The following PARP4 variants were observed in gnomAD, a reference collection of about 807,000 sequenced individuals.
PARP4 encodes the protein poly(ADP-ribose) polymerase family member 4.
A neutral mutation model predicts 187.7 loss-of-function variants in PARP4; 120 were observed. The observed-to-expected ratio is 0.64, with a 90% CI of 0.55 to 0.74. PARP4 has a LOEUF of 0.74. Among genes scored for constraint, PARP4 ranks in the 30% least tolerant of loss-of-function variants. The pLI, the probability that PARP4 is intolerant of heterozygous loss-of-function variation, is 0.00. For synonymous variants in PARP4, 654 were observed against 740.9 expected, an observed-to-expected ratio of 0.88 and a Z score of 1.90; for missense variants, 1,836 against 2,070.5, an observed-to-expected ratio of 0.89 and a Z score of 2.20.
chr13:24,469,876 T>C lies in PARP4; in HGVS notation c.2046+18A>G. 1 of 1,607,020 alleles carries C rather than the reference T, an allele frequency of 6.2e-7. No individual in the cohort carries two copies. The highest frequency in any genetic ancestry group is 8.5e-7 in the Non-Finnish European group (1 of 1,176,248). On this transcript the variant is annotated intron_variant, in intron 16 of 33. Coordinates refer to ENST00000381989, the MANE Select transcript of PARP4 (RefSeq NM_006437.4). ...CTTTGAAAGCCGAGAGCGGGCACGA[T>C]GCATCTTCTTGCCTTACCTCTCCAA...
At chr13:24,470,116 A>G (rs1428671846) in intron 15 of PARP4, 91 bp from the exon 16 acceptor site, 42 of 1,250,042 alleles carry the variant, frequency 3.4e-5, no homozygotes, top group Non-Finnish European at 4.0e-5. Context: ...TTGCATATTT[A>G]TTTGAATTTC....
chr13:24,470,462 C>G (rs552600073), intron 15 of PARP4, among the ~76,000 whole-genome samples: 1 of 152,210 alleles, frequency 6.6e-6, no homozygotes, highest in African/African-American at 2.4e-5. Flanking sequence ...CTTTCCCCCT[C>G]TCTACACAGC....
At chr13:24,457,738 T>G (rs1871944126) in intron 20 of PARP4, among the ~76,000 whole-genome samples, 1 of 120,540 alleles carries the variant, frequency 8.3e-6, no homozygotes. Flanking sequence ...ACCACTGCAC[T>G]CCAACCTGGG....
chr13:24,435,705 C>T (rs953668952), intron 30 of PARP4, among the ~76,000 whole-genome samples: 1 of 152,060 alleles, frequency 6.6e-6, no homozygotes, highest in African/African-American at 2.4e-5. Context: ...TCGCTCAAGG[C>T]TAGGAGTTTG....
chr13:24,446,316 G>A (rs1346004663), intron 27 of PARP4, among the ~76,000 whole-genome samples: 5 of 152,086 alleles, frequency 3.3e-5, no homozygotes, highest in South Asian at 2.1e-4. Context: ...CTGAAGGAAA[G>A]TATACTCATT....
intron 9 of PARP4, 54 bp downstream of exon 9, chr13:24,492,367 C>G (rs879163070): frequency 4.6e-5 from 56 of 1,229,428 alleles, no homozygotes; most frequent in Middle Eastern, 2.1e-4. Flanking sequence ...TTCTAAAGAC[C>G]CCCACCCTCA....
At chr13:24,490,553 G>A (rs73463197) in intron 10 of PARP4, 115 bp downstream of exon 10, 18 of 827,072 alleles carry the variant, frequency 2.2e-5, no homozygotes, top group East Asian at 1.2e-4. Flanking sequence ...TCACACCACC[G>A]CTACTGTGGC....
intron 28 of PARP4, among the ~76,000 whole-genome samples, chr13:24,443,353 C>T (rs1479313787): frequency 1.3e-5 from 2 of 152,124 alleles, no homozygotes; most frequent in Non-Finnish European, 2.9e-5. Flanking sequence ...TCTGAGGTGA[C>T]GTCCACTACA....
chr13:24,506,235 T>G (rs1178085770), intron 1 of PARP4, among the ~76,000 whole-genome samples: 1 of 152,202 alleles, frequency 6.6e-6, no homozygotes, highest in African/African-American at 2.4e-5. Context: ...CATCCAGAGT[T>G]TGTCCGGAGT....
intron 12 of PARP4, among the ~76,000 whole-genome samples, chr13:24,482,537 C>A (rs1471926230): frequency 6.6e-5 from 10 of 152,226 alleles, no homozygotes; most frequent in Admixed American, 6.5e-4. Context: ...AATCAGTCAG[C>A]AGCCATAGAC....
chr13:24,476,135 CTTCTT>C (rs1384316718), intron 14 of PARP4, among the ~76,000 whole-genome samples: 2 of 149,676 alleles, frequency 1.3e-5, no homozygotes, highest in African/African-American at 5.0e-5. Flanking sequence ...ATTTTTTTTT[CTTCTT>C]TTCTTTTTTT....
intron 1 of PARP4, among the ~76,000 whole-genome samples, chr13:24,506,310 G>C (rs1267262589): frequency 1.3e-5 from 2 of 152,126 alleles, no homozygotes; most frequent in Non-Finnish European, 2.9e-5. Flanking sequence ...AGACCTCCGC[G>C]ATTTAAAGGC....
At chr13:24,466,351 T>A (rs985967947) in intron 17 of PARP4, among the ~76,000 whole-genome samples, 3 of 152,062 alleles carry the variant, frequency 2.0e-5, no homozygotes, top group Non-Finnish European at 2.9e-5. Flanking sequence ...CCAGCTAATT[T>A]TTGTATTTTT....
At chr13:24,490,607 T>C (rs1868585851) in intron 10 of PARP4, 61 bp downstream of exon 10, 2 of 1,305,144 alleles carry the variant, frequency 1.5e-6, no homozygotes, top group African/African-American at 2.9e-5. Context: ...ATTAGCTCTT[T>C]AACGGAGTCT....
intron 15 of PARP4, among the ~76,000 whole-genome samples, chr13:24,475,165 C>A (rs1182110331): frequency 6.6e-6 from 1 of 152,148 alleles, no homozygotes; most frequent in Non-Finnish European, 1.5e-5. Context: ...AGCAGCTCCT[C>A]CTGCTTTCCT....
In PARP4 at chr13:24,498,585, T is replaced by C. The variant is rs182186121; in HGVS notation, c.478-356A>G. 5.9e-5 allele frequency among the ~76,000 whole-genome samples: 9 copies of C among 152,238 alleles called. No individual in the cohort carries two copies. The South Asian group carries it at 8.3e-4, about 14-fold the overall frequency. On this transcript the variant is annotated intron_variant, in intron 5 of 33. Transcript: ENST00000381989. The stretch of plus-strand genomic sequence containing the variant: ...TGGAACATCACTTTGAAGGCTAGTG[T>C]CGATTTATATCTATATATATATTTT...
chr13:24,462,651 T>G (rs191678722), intron 17 of PARP4, among the ~76,000 whole-genome samples: 1 of 152,266 alleles, frequency 6.6e-6, no homozygotes. Flanking sequence ...TGAAAAGACA[T>G]ACAGAAAAGG....
chr13:24,438,554 A>G (rs1318896399), intron 30 of PARP4, among the ~76,000 whole-genome samples: 8 of 152,202 alleles, frequency 5.3e-5, no homozygotes, highest in Non-Finnish European at 1.2e-4. Context: ...ATTAGGAGGT[A>G]TGTTTTAAAA....
rs577569436 is a variant in PARP4 at position 24,432,664 on chromosome 13, T to A, written c.4747-1188A>T. ...ACAGTAGATCTCCAGCATGATTCCT[T>A]TGGTTTAACATAAAAATGTACCCTG... is the stretch of plus-strand genomic sequence containing the variant. On this transcript the variant is annotated intron_variant, in intron 31 of 33. Coordinates refer to ENST00000381989, the MANE Select transcript of PARP4 (RefSeq NM_006437.4). 5.3e-5 allele frequency among the ~76,000 whole-genome samples: 8 copies of A among 152,340 alleles called. No individual in the cohort carries two copies. In the East Asian group the frequency reaches 7.7e-4, roughly 15 times the overall value.
Sources: gnomAD v4.1 joint callset for allele counts (sites outside exome capture counted in the v4.1 genomes callset) on GRCh38, gnomAD v4.1.1 for gene constraint, MANE v1.5 for transcripts, NCBI Gene and HGNC (gene_info 2026-07-23, HGNC 2026-07-21) for gene names.